Variants in PDGFC observed in about 807,000 individuals in gnomAD.
PDGFC encodes platelet derived growth factor C.
PDGFC carries 12 observed loss-of-function variants against 35.5 expected under a neutral mutation model. That is an observed-to-expected ratio of 0.34 (90% CI 0.22 to 0.55). The LOEUF (loss-of-function observed/expected upper bound fraction) is 0.55. Ranked by LOEUF, PDGFC falls within the 20% of genes least tolerant of loss-of-function variation. PDGFC has a pLI of 0.91. For missense variants in PDGFC, 322 were observed against 412.4 expected (o/e 0.78, Z 1.90); for synonymous variants, 159 against 148.8 (o/e 1.07, Z -0.50).
At chr4:156,868,759 A>G (rs1013429595) in intron 1 of PDGFC, among the ~76,000 whole-genome samples, 10 of 152,096 alleles carry the variant, frequency 6.6e-5, no homozygotes, top group African/African-American at 2.4e-4. Flanking sequence ...TTCCTTTACT[A>G]TCTTAGATAT....
At chr4:156,819,939 G>C (rs1195721356) in intron 2 of PDGFC, among the ~76,000 whole-genome samples, 1 of 152,182 alleles carries the variant, frequency 6.6e-6, no homozygotes, top group Admixed American at 6.5e-5. Flanking sequence ...GGAAGAAACT[G>C]GTTCCAATCT....
chr4:156,779,206 C>A (rs1406946581), intron 3 of PDGFC: 3 of 456,084 alleles, frequency 6.6e-6, no homozygotes, highest in South Asian at 3.1e-5. Flanking sequence ...AAACACGCTT[C>A]TTTGCCTTTC....
At chr4:156,778,777 G>A (rs192572945) in intron 3 of PDGFC, among the ~76,000 whole-genome samples, 15 of 152,256 alleles carry the variant, frequency 9.9e-5, no homozygotes, top group Admixed American at 9.8e-4. Flanking sequence ...ACATATAAAT[G>A]TTTACCTTGA....
At chr4:156,945,160 T>C (rs1425614633) in intron 1 of PDGFC, among the ~76,000 whole-genome samples, 2 of 151,680 alleles carry the variant, frequency 1.3e-5, no homozygotes, top group African/African-American at 4.8e-5. Context: ...TCAATAGAAA[T>C]GTAAACTCCA....
At chr4:156,927,271 T>A (rs767836580) in intron 1 of PDGFC, among the ~76,000 whole-genome samples, 1 of 152,158 alleles carries the variant, frequency 6.6e-6, no homozygotes, top group African/African-American at 2.4e-5. Flanking sequence ...CATGAAGACC[T>A]ATGACATGCC....
At chr4:156,896,778 C>T (rs1362877084) in intron 1 of PDGFC, among the ~76,000 whole-genome samples, 1 of 152,120 alleles carries the variant, frequency 6.6e-6, no homozygotes, top group Non-Finnish European at 1.5e-5. Flanking sequence ...GCCATTCAGG[C>T]ACAGGAACCC....
chr4:156,841,248 G>A (rs1477515738), intron 2 of PDGFC: 1 of 152,176 alleles, frequency 6.6e-6, no homozygotes, highest in Non-Finnish European at 1.5e-5. Context: ...GTGACCGGAT[G>A]GGAGGTAATT....
At chr4:156,927,161 C>T (rs561974042) in intron 1 of PDGFC, among the ~76,000 whole-genome samples, 1 of 152,232 alleles carries the variant, frequency 6.6e-6, no homozygotes, top group Non-Finnish European at 1.5e-5. Context: ...GAGAGCAGGG[C>T]ACCAAGTCCC....
chr4:156,788,553 A>G (rs955189454), intron 3 of PDGFC, among the ~76,000 whole-genome samples: 1 of 152,186 alleles, frequency 6.6e-6, no homozygotes, highest in African/African-American at 2.4e-5. Context: ...AATGTGGAAA[A>G]CTGGTGAAAT....
chr4:156,901,927 G>A (rs1376492745), intron 1 of PDGFC, among the ~76,000 whole-genome samples: 1 of 152,118 alleles, frequency 6.6e-6, no homozygotes, highest in African/African-American at 2.4e-5. Flanking sequence ...TGTAGATTAA[G>A]GTATAACATG....
At chr4:156,814,246 C>G (rs1732019069) in intron 2 of PDGFC, among the ~76,000 whole-genome samples, 1 of 152,098 alleles carries the variant, frequency 6.6e-6, no homozygotes, top group Non-Finnish European at 1.5e-5. Flanking sequence ...GTAACACAGA[C>G]AGGTAATCAC....
intron 1 of PDGFC, among the ~76,000 whole-genome samples, chr4:156,927,483 A>G (rs1432185937): frequency 6.6e-6 from 1 of 152,100 alleles, no homozygotes; most frequent in Non-Finnish European, 1.5e-5. Context: ...TCACCTCTTG[A>G]ATGCTTTGCT....
chr4:156,805,065 T>C (rs1050770227), intron 3 of PDGFC, among the ~76,000 whole-genome samples: 1 of 151,960 alleles, frequency 6.6e-6, no homozygotes, highest in African/African-American at 2.4e-5. Context: ...AAGGAATCAG[T>C]AGAAATGAAA....
chr4:156,928,099 G>C (rs1731459693), intron 1 of PDGFC, among the ~76,000 whole-genome samples: 1 of 152,138 alleles, frequency 6.6e-6, no homozygotes, highest in South Asian at 2.1e-4. Context: ...CATGAGAACA[G>C]TATGGGGGAA....
intron 1 of PDGFC, among the ~76,000 whole-genome samples, chr4:156,931,438 G>C (rs1239225632): frequency 6.6e-6 from 1 of 152,170 alleles, no homozygotes; most frequent in African/African-American, 2.4e-5. Context: ...TTCGGTTATT[G>C]CATGTGCTTT....
chr4:156,905,521 A>G (rs115088721), intron 1 of PDGFC, among the ~76,000 whole-genome samples: 2,490 of 152,222 alleles, frequency 0.016, 75 homozygotes, highest in African/African-American at 0.057. Context: ...CAGAGTTTGA[A>G]GTGTTAGAGC....
rs1347602317 is a variant in PDGFC, at chr4:156,970,862, G to A, written c.42C>T (p.Ala14=). Residue 14 remains alanine, a synonymous_variant, in exon 1 of 6, where the codon GCC becomes GCT. Coordinates refer to ENST00000502773, the MANE Select transcript of PDGFC (RefSeq NM_016205.3). ...FGLLLLTSAL[A]GQRQGTQAES... ...CCGCCTGAGTCCCCTGTCTCTGGCC[G>A]GCCAGGGCAGATGTCAGCAGGAGAA... 2 of 1,613,952 alleles carry A rather than the reference G, an allele frequency of 1.2e-6. No individual in the cohort carries two copies. The highest frequency in any genetic ancestry group is 2.2e-5 in the South Asian group (2 of 91,060).
intron 2 of PDGFC, among the ~76,000 whole-genome samples, chr4:156,833,731 T>C (rs1369285556): frequency 6.6e-6 from 1 of 152,252 alleles, no homozygotes; most frequent in Admixed American, 6.5e-5. Context: ...GTGTGAATAC[T>C]ATCTCTACAA....
At chr4:156,857,681 G>T (rs936911613) in intron 1 of PDGFC, among the ~76,000 whole-genome samples, 10 of 152,058 alleles carry the variant, frequency 6.6e-5, no homozygotes, top group African/African-American at 2.4e-4. Context: ...CTGAATAAAG[G>T]TCGAACTGAC....
Sources: allele counts gnomAD v4.1 joint callset (sites outside exome capture counted in the v4.1 genomes callset), GRCh38; gene constraint gnomAD v4.1.1; transcripts MANE v1.5; gene names NCBI Gene and HGNC (gene_info 2026-07-23, HGNC 2026-07-21).